Variants in MAGI2 observed in about 807,000 individuals in gnomAD.
MAGI2 encodes membrane-associated guanylate kinase, WW and PDZ domain-containing protein 2.
MAGI2 carries 35 observed loss-of-function variants against 133.3 expected under a neutral mutation model. The ratio of observed to expected loss-of-function variants is 0.26; its 90% CI spans 0.20 to 0.35. The LOEUF (loss-of-function observed/expected upper bound fraction) is 0.35, where lower values mean the gene tolerates loss of function less well. MAGI2 is among the 10% of genes least tolerant of loss of function. The pLI, the probability that MAGI2 is intolerant of heterozygous loss-of-function variation, is 1.00. For missense variants in MAGI2, 1,636 were observed against 1,863.4 expected (o/e 0.88, Z 2.25); for synonymous variants, 729 against 710.6 (o/e 1.03, Z -0.41).
At position 78,698,118 on chromosome 7, in the gene MAGI2, G is replaced by A. The variant is rs142381488; in HGVS notation, c.419-70879C>T. Among the ~76,000 whole-genome samples the A allele has an allele frequency of 2.1e-3, 313 of 152,154 alleles. 2 individuals are homozygous for A. The highest frequency in any genetic ancestry group is 7.1e-3 in the African/African-American group (295 of 41,528). ...TTCCTTTTTTAAAAAATACTAATAC[G>A]AATGCTTTCCACTACAGTGAAGTTA... On this transcript the variant is annotated intron_variant, in intron 2 of 21. Coordinates refer to ENST00000354212, the MANE Select transcript of MAGI2 (RefSeq NM_012301.4).
At chr7:78,590,058 T>C (rs1443193589) in intron 3 of MAGI2, among the ~76,000 whole-genome samples, 1 of 152,230 alleles carries the variant, frequency 6.6e-6, no homozygotes, top group Non-Finnish European at 1.5e-5. Context: ...AAAGCAATGA[T>C]GAACAATTTA....
chr7:79,193,763 T>A (rs760382019), intron 1 of MAGI2, among the ~76,000 whole-genome samples: 8 of 151,866 alleles, frequency 5.3e-5, no homozygotes, highest in Non-Finnish European at 7.4e-5. Flanking sequence ...CCCTACATTT[T>A]CATTTTGCAC....
At chr7:78,821,461 T>C (rs1790103468) in intron 2 of MAGI2, among the ~76,000 whole-genome samples, 1 of 151,986 alleles carries the variant, frequency 6.6e-6, no homozygotes, top group South Asian at 2.1e-4. Context: ...GGGGCTATTT[T>C]AGAAATGGAG....
At chr7:78,069,722 T>C (rs921329432) in intron 21 of MAGI2, among the ~76,000 whole-genome samples, 4 of 152,152 alleles carry the variant, frequency 2.6e-5, no homozygotes, top group African/African-American at 7.2e-5. Context: ...TTTTCTTGAA[T>C]TGGTGACTTC....
At chr7:78,841,443 G>GCCTCTATTT (rs1343855379) in intron 2 of MAGI2, among the ~76,000 whole-genome samples, 2 of 151,846 alleles carry the variant, frequency 1.3e-5, no homozygotes, top group Admixed American at 6.6e-5. Flanking sequence ...TTTACATCTT[G>GCCTCTATTT]CCTCTATTTT....
rs1823182361 is a variant in MAGI2, at chr7:79,151,054, T to A, written c.302-143848A>T. ...TTCTGAGATGACCAGGCAGACTTTT[T>A]AAAAAAACATGTTAGCTTCCTCAGT... On this transcript the variant is annotated intron_variant, in intron 1 of 21. Transcript: ENST00000354212. 3.3e-5 allele frequency among the ~76,000 whole-genome samples: 5 copies of A among 152,072 alleles called. No individual in the cohort carries two copies. The South Asian group carries it at 6.2e-4, about 19-fold the overall frequency.
chr7:79,228,395 A>G (rs2129554003), intron 1 of MAGI2, among the ~76,000 whole-genome samples: 1 of 138,734 alleles, frequency 7.2e-6, no homozygotes, highest in Admixed American at 7.8e-5. Flanking sequence ...CTTGTCTTGA[A>G]ATAAGAAAAA....
At chr7:78,740,037 T>C (rs1822253757) in intron 2 of MAGI2, among the ~76,000 whole-genome samples, 1 of 152,012 alleles carries the variant, frequency 6.6e-6, no homozygotes, top group Non-Finnish European at 1.5e-5. Flanking sequence ...GGCGGGCGCC[T>C]GTAGTCCCAG....
intron 2 of MAGI2, among the ~76,000 whole-genome samples, chr7:78,842,182 A>T (rs965554056): frequency 6.6e-6 from 1 of 151,970 alleles, no homozygotes; most frequent in African/African-American, 2.4e-5. Context: ...AGTAATAAAT[A>T]ATCACAAAAT....
intron 1 of MAGI2, among the ~76,000 whole-genome samples, chr7:79,277,017 T>C (rs2129557638): frequency 6.6e-6 from 1 of 152,048 alleles, no homozygotes; most frequent in Admixed American, 6.6e-5. Flanking sequence ...GATAAAGCAG[T>C]GCCAGGGTTT....
chr7:79,296,955 T>C lies in MAGI2; in HGVS notation c.301+156065A>G, dbSNP rs143382617. 1.9e-3 allele frequency among the ~76,000 whole-genome samples: 286 copies of C among 152,310 alleles called. 1 individual carries two copies. The highest frequency in any genetic ancestry group is 6.3e-3 in the African/African-American group (263 of 41,570). On this transcript the variant is annotated intron_variant, in intron 1 of 21. Transcript: ENST00000354212. ...TGCTAATTACTCTGATTTGACATTA[T>C]ACAGTGTAATACATGTATTGAAATA...
intron 1 of MAGI2, among the ~76,000 whole-genome samples, chr7:79,138,976 C>CAA (rs57907314): frequency 4.4e-3 from 286 of 64,814 alleles, no homozygotes; most frequent in African/African-American, 5.9e-3. Flanking sequence ...ACTCTTGTCT[C>CAA]AAAAAAAAAA....
chr7:78,861,331 G>A (rs779646436), intron 2 of MAGI2, among the ~76,000 whole-genome samples: 1 of 152,178 alleles, frequency 6.6e-6, no homozygotes, highest in Non-Finnish European at 1.5e-5. Context: ...TTTCAGACTA[G>A]AGCTGTTCCT....
At chr7:78,342,960 T>A (rs1045016720) in intron 9 of MAGI2, among the ~76,000 whole-genome samples, 1 of 152,072 alleles carries the variant, frequency 6.6e-6, no homozygotes, top group Admixed American at 6.6e-5. Flanking sequence ...AAGCATAATT[T>A]AAAAAAATTA....
chr7:78,168,275 A>G (rs930796030), intron 14 of MAGI2, among the ~76,000 whole-genome samples, 167 bp from the exon 15 acceptor site: 2 of 149,086 alleles, frequency 1.3e-5, no homozygotes, highest in African/African-American at 5.0e-5. Flanking sequence ...TTTCCTTTTT[A>G]TATACAGTTA....
At chr7:78,061,379 A>G (rs1056947034) in intron 21 of MAGI2, among the ~76,000 whole-genome samples, 9 of 150,330 alleles carry the variant, frequency 6.0e-5, no homozygotes, top group African/African-American at 2.2e-4. Flanking sequence ...GGGAAATGAA[A>G]GAAGTATGCT....
At chr7:79,118,858 G>A (rs939978736) in intron 1 of MAGI2, among the ~76,000 whole-genome samples, 1 of 152,110 alleles carries the variant, frequency 6.6e-6, no homozygotes. Flanking sequence ...AATTAAGAAA[G>A]AAACTTGAGG....
rs535232843 is a variant in MAGI2 at position 78,423,282 on chromosome 7, CTT to C, written c.1046-54071_1046-54070del. Among the ~76,000 whole-genome samples the C allele has an allele frequency of 2.0e-3, 309 of 152,298 alleles. 3 individuals carry two copies. Among genetic ancestry groups the C allele is most frequent in the Non-Finnish European group, 9.0e-4 (61 of 68,032 alleles). Reference sequence around the variant, plus strand: ...GGGAGTTTTCCTGCACAAGCTCTCTCTTTGCCTGACGCCATCTCCGTAAGATG... The same window carrying C: ...GGGAGTTTTCCTGCACAAGCTCTCTCTGCCTGACGCCATCTCCGTAAGATG... On this transcript the variant is annotated intron_variant, in intron 6 of 21. Coordinates refer to ENST00000354212, the MANE Select transcript of MAGI2 (RefSeq NM_012301.4).
intron 6 of MAGI2, among the ~76,000 whole-genome samples, chr7:78,407,479 T>A (rs773292144): frequency 2.6e-5 from 4 of 151,948 alleles, no homozygotes; most frequent in Non-Finnish European, 5.9e-5. Context: ...CTTTTATGGA[T>A]CTCACAATAT....
Sources: allele counts gnomAD v4.1 joint callset (sites outside exome capture counted in the v4.1 genomes callset), GRCh38; gene constraint gnomAD v4.1.1; transcripts MANE v1.5; gene names NCBI Gene and HGNC (gene_info 2026-07-23, HGNC 2026-07-21).